Variants in ATP1B1 observed in about 807,000 individuals in gnomAD.
ATP1B1 encodes sodium/potassium-transporting ATPase subunit beta-1.
In ATP1B1, 3 loss-of-function variants were observed where a neutral mutation model predicts 39.6. That is an observed-to-expected ratio of 0.08 (90% CI 0.03 to 0.20). The LOEUF (loss-of-function observed/expected upper bound fraction) is 0.20. Ranked by LOEUF, ATP1B1 falls within the 10% of genes least tolerant of loss-of-function variation. The pLI is 1.00. For missense variants in ATP1B1, 216 were observed against 371.1 expected, an observed-to-expected ratio of 0.58 and a Z score of 3.43; for synonymous variants, 139 against 135.0, an observed-to-expected ratio of 1.03 and a Z score of -0.20.
chr1:169,128,285 T>G (rs1397023051), intron 4 of ATP1B1, among the ~76,000 whole-genome samples: 1 of 152,246 alleles, frequency 6.6e-6, no homozygotes, highest in Non-Finnish European at 1.5e-5. Flanking sequence ...TATTGAGTTA[T>G]GTGAACAAAC....
rs1275552637 is a variant in ATP1B1, at chr1:169,110,592, T to G, written c.98-778T>G. On this transcript the variant is annotated intron_variant, in intron 1 of 5. Coordinates refer to ENST00000367815, the MANE Select transcript of ATP1B1 (RefSeq NM_001677.4). ...CTTTTTTTTTTTTTTTTTTTGCTTT[T>G]GCAGCTATTTCAGCCTCCATCCTGT... The G allele has an allele frequency of 4.4e-6, 5 of 1,146,044 alleles. No individual in the cohort carries two copies. In the African/African-American group the frequency reaches 6.6e-5, roughly 15 times the overall value. The allele number at this position is 1,146,044 out of a possible 1,614,324, so 71.0% of individuals were successfully genotyped here. A position where few individuals can be genotyped will look rare whatever the true frequency, so the allele number is the denominator to read the frequency against.
chr1:169,111,049 A>T (rs1557946873), intron 1 of ATP1B1, among the ~76,000 whole-genome samples: 3 of 152,076 alleles, frequency 2.0e-5, no homozygotes. Context: ...GATCTTCATG[A>T]TTTTTTTTAT....
chr1:169,124,919 A>G lies in ATP1B1; in HGVS notation c.262A>G (p.Ile88Val), dbSNP rs1658055722. 1 of 1,613,888 alleles carries G rather than the reference A, an allele frequency of 6.2e-7. No individual in the cohort carries two copies. The highest frequency in any genetic ancestry group is 8.5e-7 in the Non-Finnish European group (1 of 1,179,964). ...GATTCCTCAGATCCAGAAGACTGAA[A>G]TTTCCTTTCGTCCTAATGATCCCAA... ...TQIPQIQKTE[I>V]SFRPNDPKSY... Residue 88 changes from isoleucine (I) to valine (V), a missense_variant, in exon 3 of 6, where the codon ATT becomes GTT. Transcript: ENST00000367815.
At position 169,130,043 on chromosome 1, in the gene ATP1B1, G is replaced by T; in HGVS notation, c.601G>T (p.Val201Leu). Reference sequence around the variant, plus strand: ...GAATGAGTCCTTGGAGACTTACCCAGTGATGAAGTATAACCCAAATGTCCT... The same window carrying T: ...GAATGAGTCCTTGGAGACTTACCCATTGATGAAGTATAACCCAAATGTCCT... ...PKNESLETYP[V>L]MKYNPNVLPV... Residue 201 changes from valine (V) to leucine (L), a missense_variant, in exon 5 of 6, where the codon GTG (valine) becomes TTG (leucine). By Grantham distance (32) the Val-to-Leu change is conservative (BLOSUM62 1). Transcript: ENST00000367815. The T allele has an allele frequency of 6.2e-7, 1 of 1,614,070 alleles. No homozygotes were observed. The highest frequency in any genetic ancestry group is 1.3e-5 in the African/African-American group (1 of 75,040).
chr1:169,115,041 C>G (rs985735182), intron 2 of ATP1B1, among the ~76,000 whole-genome samples: 1 of 151,796 alleles, frequency 6.6e-6, no homozygotes. Context: ...AAAAATTAGC[C>G]TGTCGTAGTG....
At chr1:169,121,984 C>T (rs1428130456) in intron 2 of ATP1B1, among the ~76,000 whole-genome samples, 1 of 149,404 alleles carries the variant, frequency 6.7e-6, no homozygotes, top group African/African-American at 2.4e-5. Context: ...CTCTCCTTCA[C>T]TTGTCTAGCC....
intron 3 of ATP1B1, among the ~76,000 whole-genome samples, chr1:169,126,433 G>T (rs559935972): frequency 6.6e-6 from 1 of 152,256 alleles, no homozygotes; most frequent in Non-Finnish European, 1.5e-5. Flanking sequence ...TATGAGGATT[G>T]AATTAAAAAT....
rs777820973 is a variant in ATP1B1, at chr1:169,131,588, AAT to A, written c.*35_*36del. On this transcript the variant is annotated 3_prime_UTR_variant, in exon 6 of 6. Transcript: ENST00000367815. This position sits in a 1 kb window ranked among gnomAD's most constrained non-coding sequence, Gnocchi z 4.4. Reference sequence around the variant, plus strand: ...CACAAATCTTTCCCACTAGCCATTTAATAAGTTAAAAAAAGATACAAAAACAA... The same window carrying A: ...CACAAATCTTTCCCACTAGCCATTTAAAGTTAAAAAAAGATACAAAAACAA... 6.3e-7 allele frequency: 1 copy of A among 1,578,812 alleles called. No homozygotes were observed. The highest frequency in any genetic ancestry group is 1.2e-5 in the South Asian group (1 of 84,604).
chr1:169,110,103 C>T (rs1347817896), intron 1 of ATP1B1, among the ~76,000 whole-genome samples: 1 of 152,008 alleles, frequency 6.6e-6, no homozygotes, highest in East Asian at 1.9e-4. Context: ...AAGCATTTTG[C>T]TGTGGTTTTG....
chr1:169,126,939 A>G (rs1432191596), intron 3 of ATP1B1, among the ~76,000 whole-genome samples: 2 of 152,234 alleles, frequency 1.3e-5, no homozygotes, highest in Non-Finnish European at 2.9e-5. Flanking sequence ...ATTATTTAAA[A>G]GAAGGGAAAT....
intron 2 of ATP1B1, among the ~76,000 whole-genome samples, chr1:169,121,789 C>G (rs1657985078): frequency 6.6e-6 from 1 of 152,214 alleles, no homozygotes; most frequent in African/African-American, 2.4e-5. Context: ...AGGTGAGACT[C>G]TCCAAATCTC....
In ATP1B1 at chr1:169,132,019, ATTTTTT is replaced by A. The variant is rs34447553; in HGVS notation, c.*481_*486del. 1.6e-4 allele frequency: 31 copies of A among 190,946 alleles called. No homozygotes were observed. Among genetic ancestry groups the A allele is most frequent in the Admixed American group, 7.0e-4 (10 of 14,192 alleles). The allele number at this position is 190,946 out of a possible 1,614,324, so 11.8% of individuals were successfully genotyped here. On this transcript the variant is annotated 3_prime_UTR_variant, in exon 6 of 6. Coordinates refer to ENST00000367815, the MANE Select transcript of ATP1B1 (RefSeq NM_001677.4). ...CAACGGGAATAAAACTGGCATGGTA[ATTTTTT>A]TTTTTTTTTTTTTTTTGTTTTTTGG...
chr1:169,123,585 C>CTCTCTA (rs1463157930), intron 2 of ATP1B1, among the ~76,000 whole-genome samples: 13 of 137,954 alleles, frequency 9.4e-5, no homozygotes, highest in African/African-American at 3.4e-4. Flanking sequence ...ATCTCTCTCT[C>CTCTCTA]TATATATATA....
In ATP1B1 at chr1:169,131,542, A is replaced by G. The variant is rs1571230172; in HGVS notation, c.899A>G (p.Glu300Gly). Residue 300 changes from glutamate (E) to glycine (G), a missense_variant, in exon 6 of 6, where the codon GAA becomes GGA. By Grantham distance (98) the Glu-to-Gly change is moderately conservative. Coordinates refer to ENST00000367815, the MANE Select transcript of ATP1B1 (RefSeq NM_001677.4). The surrounding 1 kb of genome is among the most constrained non-coding windows in gnomAD (Gnocchi z 4.4). ...RFQGRFDVKIEVKS is the reference protein window; with the variant it reads ...RFQGRFDVKIGVKS ...CAGGGACGTTTTGATGTAAAAATTG[A>G]AGTTAAGAGCTGATCACAAGCACAA... 1 of 1,613,584 alleles carries G rather than the reference A, an allele frequency of 6.2e-7. No individual in the cohort carries two copies. The highest frequency in any genetic ancestry group is 1.3e-5 in the African/African-American group (1 of 75,018).
chr1:169,114,853 A>G (rs1234723118), intron 2 of ATP1B1, among the ~76,000 whole-genome samples: 1 of 151,816 alleles, frequency 6.6e-6, no homozygotes, highest in East Asian at 1.9e-4. Context: ...GCAAGACCCC[A>G]TATCCACACA....
chr1:169,112,778 G>GT (rs1181013373), intron 2 of ATP1B1, among the ~76,000 whole-genome samples: 2 of 152,148 alleles, frequency 1.3e-5, no homozygotes, highest in Non-Finnish European at 2.9e-5. Context: ...AAAAAATCAC[G>GT]TAAGTAAATA....
chr1:169,114,381 G>C (rs2101778275), intron 2 of ATP1B1, among the ~76,000 whole-genome samples: 1 of 152,334 alleles, frequency 6.6e-6, no homozygotes, highest in Middle Eastern at 3.4e-3. Flanking sequence ...GTTTGCATAT[G>C]ATTTAAAGAT....
rs145993083 is a variant in ATP1B1, at chr1:169,114,680, T to C, written c.226+3182T>C. Among the ~76,000 whole-genome samples the C allele has an allele frequency of 3.2e-4, 48 of 152,300 alleles. 1 individual carries two copies. In the East Asian group the frequency reaches 9.1e-3, roughly 29 times the overall value. ...AGAAAAAATGGTGAATGTGTACAGC[T>C]TCTTGGCCCTGAACAATGGTGGCCG... On this transcript the variant is annotated intron_variant, in intron 2 of 5. Coordinates refer to ENST00000367815, the MANE Select transcript of ATP1B1 (RefSeq NM_001677.4).
Position 169,106,801 on chromosome 1 carries a change from A to C in ATP1B1, c.-29A>C. 9.7e-6 allele frequency: 15 copies of C among 1,542,328 alleles called. No homozygotes were observed. The highest frequency in any genetic ancestry group is 1.4e-5 in the African/African-American group (1 of 70,096). On this transcript the variant is annotated 5_prime_UTR_variant, in exon 1 of 6. Coordinates refer to ENST00000367815, the MANE Select transcript of ATP1B1 (RefSeq NM_001677.4). ...CGCGCCGCAGCCACCCACCCTCCGG[A>C]CCGCGGCAGCTGCTGACCCGCCATC...
Sources: allele counts gnomAD v4.1 joint callset (sites outside exome capture counted in the v4.1 genomes callset), GRCh38; gene constraint gnomAD v4.1.1; non-coding constraint Gnocchi (gnomAD v3.1); transcripts MANE v1.5; gene names NCBI Gene and HGNC (gene_info 2026-07-23, HGNC 2026-07-21).